The following SENP3 variants were observed in gnomAD, a reference collection of about 807,000 sequenced individuals.
SENP3 encodes sentrin-specific protease 3.
SENP3 carries 11 observed loss-of-function variants against 66.2 expected under a neutral mutation model. That is an observed-to-expected ratio of 0.17 (90% confidence interval 0.10 to 0.28). The LOEUF is 0.28. SENP3 is among the 10% of genes least tolerant of loss of function. The pLI is 1.00. For missense variants in SENP3, 548 were observed against 743.7 expected (o/e 0.74, Z 3.06); for synonymous variants, 292 against 277.6 (o/e 1.05, Z -0.52).
rs1185855399 is a variant in SENP3, at chr17:7,571,862, T to A, written c.*379T>A. The A allele has an allele frequency of 2.2e-3, 9 of 4,130 alleles. 1 individual carries two copies. The highest frequency in any genetic ancestry group is 3.4e-3 in the Admixed American group (2 of 584). The allele number at this position is 4,130 out of a possible 1,614,324, so 0.3% of individuals were successfully genotyped here. A position where few individuals can be genotyped will look rare whatever the true frequency, so the allele number is the denominator to read the frequency against. On this transcript the variant is annotated 3_prime_UTR_variant, in exon 11 of 11. Coordinates refer to ENST00000321337, the MANE Select transcript of SENP3 (RefSeq NM_015670.6). ...TTATATATATATATATATATATATA[T>A]ATATATATATATATATATATATATA... is the stretch of plus-strand genomic sequence containing the variant.
At chr17:7,565,891 G>C in intron 6 of SENP3, 127 bp downstream of exon 6, 2 of 742,750 alleles carry the variant, frequency 2.7e-6, no homozygotes, top group Non-Finnish European at 2.2e-6. Flanking sequence ...GGTGGTAGTG[G>C]TAGTGTATTA....
chr17:7,567,288 G>A (rs900334434), intron 7 of SENP3, among the ~76,000 whole-genome samples: 7 of 152,264 alleles, frequency 4.6e-5, no homozygotes, highest in East Asian at 1.9e-4. Context: ...AGGCCAACAC[G>A]GGCGGATCAC....
rs1486259403 is a variant in SENP3, at chr17:7,571,667, G to T, written c.*184G>T. 3 of 512,452 alleles carry T rather than the reference G, an allele frequency of 5.9e-6. No individual in the cohort carries two copies. The African/African-American group carries it at 6.1e-5, about 10-fold the overall frequency. 31.7% of individuals were successfully genotyped at this position (512,452 alleles called of 1,614,324 possible). On this transcript the variant is annotated 3_prime_UTR_variant, in exon 11 of 11. Transcript: ENST00000321337. ...GAGAATACTTGTTGATTTCTGATGT[G>T]CAGGGGGTGGCTACAGAAAAGCCCC...
intron 7 of SENP3, among the ~76,000 whole-genome samples, chr17:7,569,742 ATTTC>A (rs1597842201): frequency 6.6e-6 from 1 of 152,280 alleles, no homozygotes; most frequent in African/African-American, 2.4e-5. Flanking sequence ...CACTTCTGCC[ATTTC>A]TTTCTTTCAT....
Position 7,563,660 on chromosome 17 carries a change from C to G in SENP3, c.584C>G (p.Pro195Arg). The G allele has an allele frequency of 6.8e-6, 11 of 1,611,528 alleles. No homozygotes were observed. The highest frequency in any genetic ancestry group is 9.3e-6 in the Non-Finnish European group (11 of 1,178,996). ...GACTCCCCCCGGGGGCCACCTCCAC[C>G]CCGGCTGGGTCTGCTAGGTGCTCTC... is the stretch of plus-strand genomic sequence containing the variant. ...RFDSPRGPPPPRLGLLGALMA... is the reference protein window; with the variant it reads ...RFDSPRGPPPRRLGLLGALMA... Residue 195 changes from proline (P) to arginine (R), a missense_variant, in exon 2 of 11, where the codon CCC becomes CGC. This residue lies in a region of SENP3 where 215 missense variants were observed against 230.7 expected (regional missense o/e 0.93). Transcript: ENST00000321337.
At position 7,564,633 on chromosome 17, in the gene SENP3, T is replaced by C; in HGVS notation, c.724T>C (p.Ser242Pro). The change falls in exon 3 of 11, where the codon TCA becomes CCA. Residue 242 changes from serine (S) to proline (P), a missense_variant. This residue lies in a region of SENP3 where 215 missense variants were observed against 230.7 expected (regional missense o/e 0.93). Coordinates refer to ENST00000321337, the MANE Select transcript of SENP3 (RefSeq NM_015670.6). ...SPLDPDSGLLSCTLPNGFGGQ... is the reference protein window; with the variant it reads ...SPLDPDSGLLPCTLPNGFGGQ... ...TTTCCCCTGCCCTATAGGCCTCCTT[T>C]CATGTACTCTGCCCAACGGTTTTGG... 6.2e-7 allele frequency: 1 copy of C among 1,614,038 alleles called. No homozygotes were observed. Among genetic ancestry groups the C allele is most frequent in the Non-Finnish European group, 8.5e-7 (1 of 1,179,890 alleles).
Position 7,562,229 on chromosome 17 carries a change from C to T in SENP3, c.-46C>T, listed in dbSNP as rs899864579. ...GGAAGCTTGAGGCCGGAGACGCCCG[C>T]CTTCGGGCCCGTCCGCCCGGCTTCC... On this transcript the variant is annotated 5_prime_UTR_variant, in exon 1 of 11. Coordinates refer to ENST00000321337, the MANE Select transcript of SENP3 (RefSeq NM_015670.6). This position sits in a 1 kb window ranked among gnomAD's most constrained non-coding sequence, Gnocchi z 5.0. The T allele has an allele frequency of 2.5e-6, 1 of 398,468 alleles. No individual in the cohort carries two copies. Among genetic ancestry groups the T allele is most frequent in the African/African-American group, 2.1e-5 (1 of 48,626 alleles). 24.7% of individuals were successfully genotyped at this position (398,468 alleles called of 1,614,324 possible).
At position 7,567,139 on chromosome 17, in the gene SENP3, C is replaced by G. The variant is rs2071275133; in HGVS notation, c.1341+135C>G. 5.6e-6 allele frequency: 4 copies of G among 713,400 alleles called. No homozygotes were observed. In the Admixed American group the frequency reaches 8.8e-5, roughly 16 times the overall value. The allele number at this position is 713,400 out of a possible 1,614,324, so 44.2% of individuals were successfully genotyped here. On this transcript the variant is annotated intron_variant, in intron 7 of 10. Coordinates refer to ENST00000321337, the MANE Select transcript of SENP3 (RefSeq NM_015670.6). ...TAAACGTCTCTTGTGTGTGTAGGCA[C>G]TAAGGATACAGTGTTAAATAAGGAA... is the stretch of plus-strand genomic sequence containing the variant.
chr17:7,567,263 C>G (rs2071276037), intron 7 of SENP3, among the ~76,000 whole-genome samples: 1 of 152,058 alleles, frequency 6.6e-6, no homozygotes, highest in African/African-American at 2.4e-5. Flanking sequence ...CGCCTGTAAT[C>G]CCCAGCACTT....
intron 7 of SENP3, among the ~76,000 whole-genome samples, chr17:7,569,841 T>A (rs1040651538): frequency 6.6e-6 from 1 of 152,258 alleles, no homozygotes; most frequent in East Asian, 1.9e-4. Flanking sequence ...AGGATTGTTA[T>A]GAGCATTAAC....
At chr17:7,566,436 A>C (rs2071269196) in intron 6 of SENP3, among the ~76,000 whole-genome samples, 1 of 151,998 alleles carries the variant, frequency 6.6e-6, no homozygotes, top group African/African-American at 2.4e-5. Flanking sequence ...CGGGTGGATC[A>C]CCCGAGGTCA....
intron 10 of SENP3, among the ~76,000 whole-genome samples, 168 bp downstream of exon 10, chr17:7,571,101 C>G (rs938667208): frequency 6.6e-6 from 1 of 152,192 alleles, no homozygotes; most frequent in Admixed American, 6.5e-5. Flanking sequence ...CTGGACTTCT[C>G]CATCCCACAT....
At chr17:7,566,010 T>C (rs4542712) in intron 6 of SENP3, 68,709 of 425,822 alleles carry the variant, frequency 0.16, 5,784 homozygotes, top group African/African-American at 0.19. Context: ...GGGTTCCTAT[T>C]GTAACTATTG....
chr17:7,564,271 T>G (rs1176477178), intron 2 of SENP3: 12 of 418,718 alleles, frequency 2.9e-5, no homozygotes, highest in East Asian at 2.8e-4. Context: ...TCTCTAGGTC[T>G]TTATTACATA....
At position 7,570,774 on chromosome 17, in the gene SENP3, C is replaced by T; in HGVS notation, c.1563+10C>T. On this transcript the variant is annotated intron_variant, in intron 9 of 10. Coordinates refer to ENST00000321337, the MANE Select transcript of SENP3 (RefSeq NM_015670.6). The surrounding 1 kb of genome is among the most constrained non-coding windows in gnomAD (Gnocchi z 5.4). ...AGGTTACTTCAAAATGGTGAGTTTC[C>T]TGAGGGAGGGGTATAGGGTGTTGGT... 3 of 1,609,160 alleles carry T rather than the reference C, an allele frequency of 1.9e-6. No homozygotes were observed. Among genetic ancestry groups the T allele is most frequent in the South Asian group, 2.2e-5 (2 of 90,330 alleles).
rs771664660 is a variant in SENP3 at position 7,563,712 on chromosome 17, T to C, written c.636T>C (p.Ser212=). Residue 212 remains serine (S), a synonymous_variant, in exon 2 of 11, where the codon TCT becomes TCC. Transcript: ENST00000321337. ...ALMAEDGVRG[S]PPVPSGPPME... is the part of the protein sequence containing the mutation. ...TGGCTGAGGATGGGGTGAGAGGGTC[T>C]CCACCAGTGCCCTCTGGGCCCCCCA... The C allele has an allele frequency of 7.1e-5, 115 of 1,612,636 alleles. No homozygotes were observed. The highest frequency in any genetic ancestry group is 9.7e-5 in the Non-Finnish European group (115 of 1,179,722).
Position 7,563,406 on chromosome 17 carries a change from GCC to G in SENP3, c.333_334del (p.Arg112ProfsTer75). The G allele has an allele frequency of 6.5e-7, 1 of 1,547,512 alleles. No individual in the cohort carries two copies. The highest frequency in any genetic ancestry group is 8.7e-7 in the Non-Finnish European group (1 of 1,144,018). On this transcript the variant is annotated frameshift_variant, in exon 2 of 11. Transcript: ENST00000321337. LOFTEE classifies it high-confidence loss of function. Reference sequence around the variant, plus strand: ...GGAGTCAGCTGGGAACCTCCCAGCGGCCCCGCCCTTCCCGCCCCACTCATCGA... The same window carrying G: ...GGAGTCAGCTGGGAACCTCCCAGCGGCCGCCCTTCCCGCCCCACTCATCGA... ...RWSQLGTSQR[P>X]RPSRPTHRKT...
intron 2 of SENP3, among the ~76,000 whole-genome samples, chr17:7,563,995 C>G (rs2071246596): frequency 6.6e-6 from 1 of 152,116 alleles, no homozygotes; most frequent in African/African-American, 2.4e-5. Flanking sequence ...CTGGCAGTTT[C>G]CCAGGCAGAG....
chr17:7,566,897 C>T, intron 6 of SENP3, 30 bp from the exon 7 acceptor site: 3 of 1,487,936 alleles, frequency 2.0e-6, no homozygotes, highest in Non-Finnish European at 2.8e-6. Context: ...TCTTTTAATT[C>T]CATTGAGCTT....
Sources: allele counts gnomAD v4.1 joint callset (sites outside exome capture counted in the v4.1 genomes callset), GRCh38; gene constraint gnomAD v4.1.1; regional missense constraint gnomAD v4.1.1; non-coding constraint Gnocchi (gnomAD v3.1); transcripts MANE v1.5; gene names NCBI Gene and HGNC (gene_info 2026-07-23, HGNC 2026-07-21).